PDS5A: variants seen among roughly 807,000 people sequenced by gnomAD.
PDS5A encodes PDS5 cohesin associated factor A.
Under a neutral mutation model 167.1 loss-of-function variants are expected in PDS5A, and 42 were observed. That is an observed-to-expected ratio of 0.25 (90% CI 0.20 to 0.33). PDS5A has a LOEUF of 0.33. PDS5A is among the 10% of genes least tolerant of loss of function. The pLI is 1.00. For synonymous variants in PDS5A, 553 were observed against 554.6 expected (o/e 1.00, Z 0.04); for missense variants, 1,033 against 1,605.9 (o/e 0.64, Z 6.10).
Position 39,902,429 on chromosome 4 carries a change from G to T in PDS5A, c.1417C>A (p.Leu473Ile). ...TCTGTTTCCAGGTTGTGGGGGACAA[G>T]ATACTGAGCAAAGATTTTCTCTACC... ...LLVEKIFAQY[L>I]VPHNLETEER... The change falls in exon 13 of 33, where the codon CTT becomes ATT. Residue 473 changes from leucine (L) to isoleucine (I), a missense_variant. Physicochemically the swap from Leu to Ile is conservative, Grantham distance 5. This residue lies in a region of PDS5A where 388 missense variants were observed against 615.1 expected (regional missense o/e 0.63). Coordinates refer to ENST00000303538, the MANE Select transcript of PDS5A (RefSeq NM_001100399.2). The T allele has an allele frequency of 6.3e-7, 1 of 1,578,116 alleles. No individual in the cohort carries two copies. Among genetic ancestry groups the T allele is most frequent in the Non-Finnish European group, 8.7e-7 (1 of 1,155,092 alleles).
chr4:39,836,484 G>A (rs1716399966), intron 32 of PDS5A, among the ~76,000 whole-genome samples: 1 of 152,074 alleles, frequency 6.6e-6, no homozygotes, highest in Non-Finnish European at 1.5e-5. Context: ...GCCCAGGCTG[G>A]AGTGCAATGG....
At chr4:39,951,546 A>C (rs1728361719) in intron 2 of PDS5A, among the ~76,000 whole-genome samples, 1 of 152,230 alleles carries the variant, frequency 6.6e-6, no homozygotes, top group South Asian at 2.1e-4. Flanking sequence ...CAAATCTTGC[A>C]GCATTAAGTG....
intron 11 of PDS5A, among the ~76,000 whole-genome samples, chr4:39,906,876 CTATGT>C (rs1723400253): frequency 7.4e-6 from 1 of 135,192 alleles, no homozygotes; most frequent in African/African-American, 2.9e-5. Context: ...AACTTTGTTC[CTATGT>C]AACAGGTTAG....
chr4:39,826,472 T>A (rs1715325409), intron 32 of PDS5A, among the ~76,000 whole-genome samples: 1 of 143,882 alleles, frequency 7.0e-6, no homozygotes, highest in African/African-American at 2.5e-5. Context: ...TCATTCCACA[T>A]TTTTATTTAT....
At chr4:39,974,243 C>G in intron 2 of PDS5A, 1 of 558,394 alleles carries the variant, frequency 1.8e-6, no homozygotes, top group Non-Finnish European at 3.6e-6. Flanking sequence ...CAGGTGCTAT[C>G]CCCAAGCTGC....
chr4:39,965,074 G>A lies in PDS5A; in HGVS notation c.138+11366C>T, dbSNP rs1578841857. Reference sequence around the variant, plus strand: ...CTTTCCTGCTTCTATTGAGAGGTAAGGCTCATCTTTTTTCTCCCCTTGAGT... The same window carrying A: ...CTTTCCTGCTTCTATTGAGAGGTAAAGCTCATCTTTTTTCTCCCCTTGAGT... On this transcript the variant is annotated intron_variant, in intron 2 of 32. Coordinates refer to ENST00000303538, the MANE Select transcript of PDS5A (RefSeq NM_001100399.2). Among the ~76,000 whole-genome samples the A allele has an allele frequency of 2.0e-5, 3 of 152,274 alleles. No individual in the cohort carries two copies. The South Asian group carries it at 6.2e-4, about 32-fold the overall frequency.
chr4:39,919,325 C>T (rs985732190), intron 7 of PDS5A, among the ~76,000 whole-genome samples: 26 of 152,062 alleles, frequency 1.7e-4, no homozygotes, highest in African/African-American at 2.4e-4. Context: ...TGTCAAAATA[C>T]GTAAATACAA....
intron 17 of PDS5A, among the ~76,000 whole-genome samples, chr4:39,888,654 G>GC (rs1721694056): frequency 6.7e-6 from 1 of 149,512 alleles, no homozygotes; most frequent in African/African-American, 2.5e-5. Flanking sequence ...TATGCAAATG[G>GC]AGCTCATTAT....
At chr4:39,948,155 G>A (rs1173922636) in intron 2 of PDS5A, among the ~76,000 whole-genome samples, 1 of 144,606 alleles carries the variant, frequency 6.9e-6, no homozygotes, top group Non-Finnish European at 1.5e-5. Context: ...GAAAGACTGA[G>A]GCAGCAGGAT....
intron 26 of PDS5A, among the ~76,000 whole-genome samples, chr4:39,851,735 T>C (rs1718141595): frequency 2.0e-5 from 3 of 152,214 alleles, no homozygotes; most frequent in Admixed American, 1.3e-4. Context: ...AGCAACTATA[T>C]ACTAAACAAA....
intron 8 of PDS5A, among the ~76,000 whole-genome samples, chr4:39,914,162 G>GTTTT (rs34732453): frequency 9.4e-5 from 6 of 64,106 alleles, no homozygotes; most frequent in Non-Finnish European, 1.5e-4. Flanking sequence ...ATACAAATTT[G>GTTTT]TTTTTTTTTT....
At chr4:39,934,149 C>T (rs1026094828) in intron 2 of PDS5A, among the ~76,000 whole-genome samples, 1 of 152,158 alleles carries the variant, frequency 6.6e-6, no homozygotes, top group South Asian at 2.1e-4. Context: ...TACGGCTAAA[C>T]GTGTGTCCCT....
intron 17 of PDS5A, among the ~76,000 whole-genome samples, chr4:39,886,584 A>G (rs760130800): frequency 2.6e-5 from 4 of 152,002 alleles, no homozygotes; most frequent in Non-Finnish European, 5.9e-5. Context: ...GCAGTGGCGC[A>G]TAACTGTAAT....
chr4:39,917,863 T>C (rs534958305), intron 7 of PDS5A, among the ~76,000 whole-genome samples: 8 of 150,490 alleles, frequency 5.3e-5, no homozygotes, highest in South Asian at 2.2e-4. Context: ...GCGTGACCCA[T>C]TGCGCCTGGC....
intron 30 of PDS5A, among the ~76,000 whole-genome samples, chr4:39,843,727 T>C (rs1215865483): frequency 1.3e-5 from 2 of 150,622 alleles, no homozygotes; most frequent in Non-Finnish European, 3.0e-5. Context: ...AAATAAGTAT[T>C]TTGATATAAA....
intron 3 of PDS5A, among the ~76,000 whole-genome samples, chr4:39,927,149 T>C (rs1725549373): frequency 1.3e-5 from 2 of 152,244 alleles, no homozygotes; most frequent in South Asian, 4.1e-4. Context: ...TATCGTGCTT[T>C]CACTTTACTC....
At chr4:39,955,472 G>A (rs181050719) in intron 2 of PDS5A, among the ~76,000 whole-genome samples, 10 of 151,872 alleles carry the variant, frequency 6.6e-5, no homozygotes, top group African/African-American at 1.7e-4. Context: ...GTGTCGTGGC[G>A]GATGCTTGTA....
At chr4:39,971,148 TTTTTG>T (rs572977071) in intron 2 of PDS5A, among the ~76,000 whole-genome samples, 6 of 149,580 alleles carry the variant, frequency 4.0e-5, no homozygotes, top group East Asian at 1.9e-4. Context: ...TTTAAGATGT[TTTTTG>T]TTTTGTTTTG....
In PDS5A at chr4:39,866,879, G is replaced by A; in HGVS notation, c.2624C>T (p.Thr875Ile). The A allele has an allele frequency of 6.2e-7, 1 of 1,612,162 alleles. No individual in the cohort carries two copies. Among genetic ancestry groups the A allele is most frequent in the Non-Finnish European group, 8.5e-7 (1 of 1,179,234 alleles). The change falls in exon 23 of 33, where the codon ACA becomes ATA. Residue 875 changes from threonine to isoleucine, a missense_variant. Physicochemically the swap from Thr to Ile is moderately conservative, Grantham distance 89 (BLOSUM62 -1). This residue lies in a region of PDS5A where 367 missense variants were observed against 686.7 expected (regional missense o/e 0.53). Coordinates refer to ENST00000303538, the MANE Select transcript of PDS5A (RefSeq NM_001100399.2). ...SAMLVSEGDL[T>I]EQKRISKSDM... is the part of the protein sequence containing the mutation. ...ATCTCACCTGATCCTCTTTTGCTCT[G>A]TCAGGTCACCCTCACTAACCAACAT...
Sources: gnomAD v4.1 joint callset for allele counts (sites outside exome capture counted in the v4.1 genomes callset) on GRCh38, gnomAD v4.1.1 for gene constraint, gnomAD v4.1.1 regional missense constraint, MANE v1.5 for transcripts, NCBI Gene and HGNC (gene_info 2026-07-23, HGNC 2026-07-21) for gene names.